Variants in NIBAN2 observed in about 807,000 individuals in gnomAD.
NIBAN2 encodes protein Niban 2.
A neutral mutation model predicts 81.8 loss-of-function variants in NIBAN2; 36 were observed. The observed-to-expected ratio is 0.44, with a 90% CI of 0.34 to 0.58. NIBAN2 has a LOEUF of 0.58. NIBAN2 is among the 20% of genes least tolerant of loss of function. NIBAN2 has a pLI of 0.02. For synonymous variants in NIBAN2, 445 were observed against 441.6 expected, an observed-to-expected ratio of 1.01 and a Z score of -0.10; for missense variants, 897 against 1,014.1, an observed-to-expected ratio of 0.88 and a Z score of 1.57.
chr9:127,548,407 TG>T (rs1837513417), intron 1 of NIBAN2, among the ~76,000 whole-genome samples: 2 of 152,110 alleles, frequency 1.3e-5, no homozygotes, highest in South Asian at 4.1e-4. Flanking sequence ...AGATGCTGGT[TG>T]GGAAAATCAA....
rs774318037 is a variant in NIBAN2, at chr9:127,536,161, G to A, written c.56-4383C>T. Among the ~76,000 whole-genome samples, 1 of 152,212 alleles carries A rather than the reference G, an allele frequency of 6.6e-6. No homozygotes were observed. Among genetic ancestry groups the A allele is most frequent in the Non-Finnish European group, 1.5e-5 (1 of 68,032 alleles). On this transcript the variant is annotated intron_variant, in intron 1 of 13. Transcript: ENST00000373312. This position sits in a 1 kb window ranked among gnomAD's most constrained non-coding sequence, Gnocchi z 4.0. ...CAGCCAGCATGGAAGGAACCGCCACGTGCTTTGTACAGAGGAAGTAACCCA... is the reference window on the plus strand; with the variant it reads ...CAGCCAGCATGGAAGGAACCGCCACATGCTTTGTACAGAGGAAGTAACCCA...
chr9:127,545,900 G>A lies in NIBAN2; in HGVS notation c.56-14122C>T, dbSNP rs932901661. Reference sequence around the variant, plus strand: ...CCCCCCACCCCGCCTGCCTGGCAGCGGCCCCAGCCCACAGCCCACAGTGGC... The same window carrying A: ...CCCCCCACCCCGCCTGCCTGGCAGCAGCCCCAGCCCACAGCCCACAGTGGC... On this transcript the variant is annotated intron_variant, in intron 1 of 13. Coordinates refer to ENST00000373312, the MANE Select transcript of NIBAN2 (RefSeq NM_022833.4). This position sits in a 1 kb window ranked among gnomAD's most constrained non-coding sequence, Gnocchi z 4.7. 6.6e-5 allele frequency among the ~76,000 whole-genome samples: 10 copies of A among 151,744 alleles called. No individual in the cohort carries two copies. Among genetic ancestry groups the A allele is most frequent in the South Asian group, 6.3e-4 (3 of 4,788 alleles).
At chr9:127,574,266 C>T (rs1837982785) in intron 1 of NIBAN2, among the ~76,000 whole-genome samples, 1 of 152,126 alleles carries the variant, frequency 6.6e-6, no homozygotes, top group African/African-American at 2.4e-5. Flanking sequence ...TGGGCCTGCC[C>T]CTCTTGAACA....
rs772785297 is a variant in NIBAN2, at chr9:127,507,453, G to A, written c.1655-22C>T. The stretch of plus-strand genomic sequence containing the variant: ...ACAGCTACAGGGCCACAGGGGAAGG[G>A]TCAGGACACAGCACTGATCCCACAG... On this transcript the variant is annotated intron_variant, in intron 13 of 13. Coordinates refer to ENST00000373312, the MANE Select transcript of NIBAN2 (RefSeq NM_022833.4). The surrounding 1 kb of genome is among the most constrained non-coding windows in gnomAD (Gnocchi z 6.8). 3.4e-6 allele frequency: 5 copies of A among 1,483,662 alleles called. No homozygotes were observed. In the South Asian group the frequency reaches 7.0e-5, roughly 21 times the overall value. 91.9% of individuals were successfully genotyped at this position (1,483,662 alleles called of 1,614,324 possible).
intron 5 of NIBAN2, among the ~76,000 whole-genome samples, chr9:127,520,720 T>C (rs534263570): frequency 1.4e-4 from 22 of 151,894 alleles, no homozygotes; most frequent in South Asian, 1.0e-3. Context: ...TCAAGACCAT[T>C]CTGGCTACAA....
intron 1 of NIBAN2, among the ~76,000 whole-genome samples, chr9:127,567,655 A>G (rs936288321): frequency 6.7e-6 from 1 of 149,064 alleles, no homozygotes; most frequent in Non-Finnish European, 1.5e-5. Flanking sequence ...CGTGGAGAAC[A>G]CGGTGGTGAA....
chr9:127,520,010 C>T (rs553875424), intron 5 of NIBAN2, among the ~76,000 whole-genome samples: 9 of 152,202 alleles, frequency 5.9e-5, no homozygotes, highest in Admixed American at 1.3e-4. Flanking sequence ...GGCAGAGGGC[C>T]GGGACAGCGG....
At chr9:127,534,511 G>A (rs1476554454) in intron 1 of NIBAN2, among the ~76,000 whole-genome samples, 1 of 152,106 alleles carries the variant, frequency 6.6e-6, no homozygotes, top group African/African-American at 2.4e-5. Context: ...GGGCTGAAAG[G>A]GCATGTCACA....
chr9:127,517,030 A>G lies in NIBAN2; in HGVS notation c.811-11T>C. ...CACGGCGTCCGAGATCTGTGGGCAGAGCAGCTGAATTGGCACCAGGGCTGA... is the reference window on the plus strand; with the variant it reads ...CACGGCGTCCGAGATCTGTGGGCAGGGCAGCTGAATTGGCACCAGGGCTGA... On this transcript the variant is annotated splice_polypyrimidine_tract_variant and intron_variant, in intron 7 of 13. Transcript: ENST00000373312. This position sits in a 1 kb window ranked among gnomAD's most constrained non-coding sequence, Gnocchi z 4.0. The G allele has an allele frequency of 6.2e-7, 1 of 1,612,360 alleles. No homozygotes were observed. Among genetic ancestry groups the G allele is most frequent in the Non-Finnish European group, 8.5e-7 (1 of 1,178,932 alleles).
chr9:127,550,941 CAACCCCCTGTCCCGTGTG>C (rs550224559), intron 1 of NIBAN2, among the ~76,000 whole-genome samples: 92 of 152,348 alleles, frequency 6.0e-4, no homozygotes, highest in Middle Eastern at 6.8e-3. Context: ...TCCTGCACTT[CAACCCCCTGTCCCGTGTG>C]CTGGGCCGGT....
chr9:127,524,378 G>A (rs953351711), intron 4 of NIBAN2, among the ~76,000 whole-genome samples: 2 of 152,214 alleles, frequency 1.3e-5, no homozygotes, highest in Admixed American at 1.3e-4. Context: ...TGTTGTTAAT[G>A]ATATGACAAT....
chr9:127,543,079 A>C (rs1015871286), intron 1 of NIBAN2, among the ~76,000 whole-genome samples: 1 of 152,222 alleles, frequency 6.6e-6, no homozygotes, highest in Non-Finnish European at 1.5e-5. Flanking sequence ...AGCATCCCTC[A>C]GCACGCCAAG....
intron 8 of NIBAN2, among the ~76,000 whole-genome samples, chr9:127,512,931 G>T (rs552486024): frequency 6.6e-6 from 1 of 152,104 alleles, no homozygotes; most frequent in African/African-American, 2.4e-5. Flanking sequence ...TGTTTGTTGC[G>T]GCTCTGTTCA....
At chr9:127,554,548 CTTTTTTTTTTTTTTT>C (rs1230242603) in intron 1 of NIBAN2, among the ~76,000 whole-genome samples, 9 of 103,706 alleles carry the variant, frequency 8.7e-5, no homozygotes, top group Admixed American at 3.4e-4. Flanking sequence ...TTTTCTTTTT[CTTTTTTTTTTTTTTT>C]TTTTTTTTGC....
intron 1 of NIBAN2, among the ~76,000 whole-genome samples, chr9:127,538,796 T>G (rs1391113346): frequency 1.4e-5 from 2 of 147,320 alleles, no homozygotes; most frequent in Admixed American, 6.8e-5. Context: ...AATACAAAAA[T>G]TAGCCAGGCA....
At chr9:127,513,601 C>T (rs1476181813) in intron 8 of NIBAN2, among the ~76,000 whole-genome samples, 12 of 152,134 alleles carry the variant, frequency 7.9e-5, no homozygotes, top group Non-Finnish European at 1.5e-4. Context: ...GCTACACTCC[C>T]GCCAGCACCA....
chr9:127,540,101 C>A (rs1050228907), intron 1 of NIBAN2, among the ~76,000 whole-genome samples: 2 of 152,210 alleles, frequency 1.3e-5, no homozygotes, highest in Non-Finnish European at 2.9e-5. Flanking sequence ...GAAACAGAGG[C>A]TGAGCATGCA....
chr9:127,507,774 T>C lies in NIBAN2; in HGVS notation c.1654+93A>G, dbSNP rs1371572994. 1.7e-6 allele frequency: 2 copies of C among 1,178,330 alleles called. No individual in the cohort carries two copies. Among genetic ancestry groups the C allele is most frequent in the Non-Finnish European group, 2.5e-6 (2 of 795,662 alleles). 73.0% of individuals were successfully genotyped at this position (1,178,330 alleles called of 1,614,324 possible). On this transcript the variant is annotated intron_variant, in intron 13 of 13. Coordinates refer to ENST00000373312, the MANE Select transcript of NIBAN2 (RefSeq NM_022833.4). The surrounding 1 kb of genome is among the most constrained non-coding windows in gnomAD (Gnocchi z 6.8). ...CCAGGTGCAAGTCTGGGCTTTTCTT[T>C]GAGCCTTAGCTGACCCCCTCAGCTG... is the stretch of plus-strand genomic sequence containing the variant.
intron 8 of NIBAN2, 107 bp downstream of exon 8, chr9:127,516,750 T>C (rs1261432099): frequency 1.5e-5 from 18 of 1,194,616 alleles, no homozygotes; most frequent in Non-Finnish European, 2.0e-5. Flanking sequence ...TTCTTACAAA[T>C]GATCAATGAG....
Sources: gnomAD v4.1 joint callset for allele counts (sites outside exome capture counted in the v4.1 genomes callset) on GRCh38, gnomAD v4.1.1 for gene constraint, Gnocchi (gnomAD v3.1) non-coding constraint, MANE v1.5 for transcripts, NCBI Gene and HGNC (gene_info 2026-07-23, HGNC 2026-07-21) for gene names.